Variants in MBOAT1 observed in about 807,000 individuals in gnomAD.
MBOAT1 encodes the protein membrane bound glycerophospholipid O-acyltransferase 1.
A neutral mutation model predicts 64.4 loss-of-function variants in MBOAT1; 67 were observed. The observed-to-expected ratio is 1.04, with a 90% CI of 0.85 to 1.27. MBOAT1 has a LOEUF of 1.27. MBOAT1 is among the 50% of genes most tolerant of loss of function. The pLI is 0.00. For missense variants in MBOAT1, 563 were observed against 604.6 expected (o/e 0.93, Z 0.72); for synonymous variants, 229 against 218.9 (o/e 1.05, Z -0.41).
chr6:20,112,457 T>G (rs1426818237), intron 11 of MBOAT1, among the ~76,000 whole-genome samples: 1 of 152,180 alleles, frequency 6.6e-6, no homozygotes, highest in Non-Finnish European at 1.5e-5. Flanking sequence ...AGAGACTCTG[T>G]GAGTTATTTC....
intron 8 of MBOAT1, among the ~76,000 whole-genome samples, 159 bp from the exon 9 acceptor site, chr6:20,118,699 T>A (rs1166943190): frequency 7.4e-6 from 1 of 135,002 alleles, no homozygotes. Flanking sequence ...ACATTCTGAA[T>A]CAGAAAAACA....
chr6:20,122,536 T>C lies in MBOAT1; in HGVS notation c.907+1872A>G, dbSNP rs545776289. The stretch of plus-strand genomic sequence containing the variant: ...TACAGAAACAAAATTTCCCTCATTG[T>C]AAATTTTACAAAAGCTCTAAGTCAG... On this transcript the variant is annotated intron_variant, in intron 8 of 12. Coordinates refer to ENST00000324607, the MANE Select transcript of MBOAT1 (RefSeq NM_001080480.3). Among the ~76,000 whole-genome samples, 14 of 152,332 alleles carry C rather than the reference T, an allele frequency of 9.2e-5. 1 individual carries two copies. In the South Asian group the frequency reaches 2.5e-3, roughly 27 times the overall value.
intron 1 of MBOAT1, among the ~76,000 whole-genome samples, chr6:20,206,917 C>T (rs754066600): frequency 3.3e-5 from 5 of 152,182 alleles, no homozygotes; most frequent in Non-Finnish European, 7.3e-5. Flanking sequence ...ACTTCCTCTG[C>T]ACCTGCCCTC....
intron 1 of MBOAT1, among the ~76,000 whole-genome samples, chr6:20,180,089 A>T (rs1762468906): frequency 1.3e-5 from 2 of 152,140 alleles, no homozygotes. Flanking sequence ...TAATTTCCCC[A>T]CAAGAACCGG....
chr6:20,212,003 C>CA, intron 1 of MBOAT1, 133 bp downstream of exon 1: 1 of 722,450 alleles, frequency 1.4e-6, no homozygotes, highest in Admixed American at 2.6e-5. Flanking sequence ...CACACACACA[C>CA]AAAAACCAAC....
At chr6:20,114,416 T>C (rs1256094289) in intron 10 of MBOAT1, among the ~76,000 whole-genome samples, 3 of 152,142 alleles carry the variant, frequency 2.0e-5, no homozygotes, top group Admixed American at 6.5e-5. Context: ...CATAGGGAAA[T>C]AGCAACAAAA....
intron 2 of MBOAT1, among the ~76,000 whole-genome samples, chr6:20,152,383 TAATTA>T (rs1357101339): frequency 1.4e-4 from 16 of 113,238 alleles, no homozygotes; most frequent in Admixed American, 9.0e-5. Context: ...ATTAATTAAT[TAATTA>T]AAAAAAAGAA....
chr6:20,154,011 T>A (rs900739481), intron 1 of MBOAT1, among the ~76,000 whole-genome samples: 1 of 152,238 alleles, frequency 6.6e-6, no homozygotes, highest in Non-Finnish European at 1.5e-5. Flanking sequence ...TAGAAGGCAC[T>A]TAATTGAAAA....
At chr6:20,199,999 G>A (rs1763075029) in intron 1 of MBOAT1, among the ~76,000 whole-genome samples, 1 of 152,172 alleles carries the variant, frequency 6.6e-6, no homozygotes, top group South Asian at 2.1e-4. Flanking sequence ...ATAATGTGCA[G>A]ATAAGTTAAC....
chr6:20,103,967 T>C (rs1276432787), intron 12 of MBOAT1, among the ~76,000 whole-genome samples: 4 of 152,206 alleles, frequency 2.6e-5, no homozygotes, highest in Non-Finnish European at 2.9e-5. Context: ...CCAGAGCAAC[T>C]TCCAGGCCTG....
chr6:20,198,168 C>T (rs1408501821), intron 1 of MBOAT1, among the ~76,000 whole-genome samples: 1 of 148,700 alleles, frequency 6.7e-6, no homozygotes, highest in Non-Finnish European at 1.5e-5. Context: ...GCAGAGGTTG[C>T]AGTGAGCCAA....
intron 1 of MBOAT1, among the ~76,000 whole-genome samples, chr6:20,161,956 T>G (rs1278596638): frequency 6.6e-6 from 1 of 152,118 alleles, no homozygotes; most frequent in Non-Finnish European, 1.5e-5. Flanking sequence ...ATTGAGGGTG[T>G]CGGCAGGGTT....
chr6:20,142,010 C>G lies in MBOAT1; in HGVS notation c.419+2210G>C, dbSNP rs9460460. On this transcript the variant is annotated intron_variant, in intron 4 of 12. Coordinates refer to ENST00000324607, the MANE Select transcript of MBOAT1 (RefSeq NM_001080480.3). ...CCTAGAATGCACAGTGTCTCTCGAA[C>G]CTGGCATTTACCTAACATATTGGCC... Among the ~76,000 whole-genome samples, 712 of 152,222 alleles carry G rather than the reference C, an allele frequency of 4.7e-3. 6 individuals carry two copies. Among genetic ancestry groups the G allele is most frequent in the African/African-American group, 0.016 (677 of 41,534 alleles).
intron 1 of MBOAT1, among the ~76,000 whole-genome samples, chr6:20,198,635 C>G (rs1763031269): frequency 6.6e-6 from 1 of 152,184 alleles, no homozygotes; most frequent in Non-Finnish European, 1.5e-5. Context: ...TTGCTCTTTT[C>G]TAACTTCTCC....
intron 1 of MBOAT1, among the ~76,000 whole-genome samples, chr6:20,159,057 T>C (rs924330202): frequency 6.6e-5 from 10 of 152,140 alleles, no homozygotes; most frequent in African/African-American, 2.4e-4. Context: ...GATCCAGCAA[T>C]CACACTTTTG....
chr6:20,207,420 G>T (rs1019015716), intron 1 of MBOAT1, among the ~76,000 whole-genome samples: 2 of 152,164 alleles, frequency 1.3e-5, no homozygotes, highest in African/African-American at 2.4e-5. Context: ...TCAGCAGGAC[G>T]GGGCAGGATC....
At chr6:20,118,750 C>T (rs565606229) in intron 8 of MBOAT1, among the ~76,000 whole-genome samples, 3 of 152,262 alleles carry the variant, frequency 2.0e-5, no homozygotes, top group African/African-American at 7.2e-5. Flanking sequence ...TGCATTCATT[C>T]CCTTGCATTT....
intron 1 of MBOAT1, among the ~76,000 whole-genome samples, chr6:20,165,056 G>C (rs1260963130): frequency 1.3e-5 from 2 of 152,272 alleles, no homozygotes. Context: ...TGATTTTTCT[G>C]ATATTTTCAA....
At chr6:20,200,911 G>A (rs1197394782) in intron 1 of MBOAT1, among the ~76,000 whole-genome samples, 1 of 152,176 alleles carries the variant, frequency 6.6e-6, no homozygotes, top group African/African-American at 2.4e-5. Flanking sequence ...CCAAGGAGCA[G>A]GTGTTCCTGA....
Sources: allele counts gnomAD v4.1 joint callset (sites outside exome capture counted in the v4.1 genomes callset), GRCh38; gene constraint gnomAD v4.1.1; transcripts MANE v1.5; gene names NCBI Gene and HGNC (gene_info 2026-07-23, HGNC 2026-07-21).